The following SRD5A2 variants were observed in gnomAD, a reference collection of about 807,000 sequenced individuals.
SRD5A2 encodes the protein 3-oxo-5-alpha-steroid 4-dehydrogenase 2.
In SRD5A2, 30 loss-of-function variants were observed where a neutral mutation model predicts 27.4. That is an observed-to-expected ratio of 1.10 (90% CI 0.82 to 1.49). The LOEUF is 1.49. Among genes scored for constraint, SRD5A2 ranks in the 40% most tolerant of loss-of-function variants. SRD5A2 has a pLI of 0.00. For synonymous variants in SRD5A2, 141 were observed against 133.6 expected (o/e 1.06, Z -0.38); for missense variants, 348 against 323.4 (o/e 1.08, Z -0.58).
chr2:31,533,510 G>A (rs1255585283), intron 2 of SRD5A2, 93 bp downstream of exon 2: 16 of 1,154,648 alleles, frequency 1.4e-5, no homozygotes, highest in African/African-American at 9.2e-5. Flanking sequence ...GGATCATTAC[G>A]AGGTCATTGC....
At chr2:31,624,603 C>G in the SRD5A2 span, among the ~76,000 whole-genome samples, 1 of 151,944 alleles carries the variant, frequency 6.6e-6, no homozygotes, top group Admixed American at 6.6e-5. Context: ...TGAGAACATG[C>G]GGTGTTTGGT....
the SRD5A2 span, among the ~76,000 whole-genome samples, chr2:31,620,610 G>T: frequency 6.6e-6 from 1 of 151,780 alleles, no homozygotes; most frequent in Non-Finnish European, 1.5e-5. Context: ...TCTCCAAGGT[G>T]CCTACATTAG....
chr2:31,637,274 A>G, the SRD5A2 span, among the ~76,000 whole-genome samples: 1 of 152,076 alleles, frequency 6.6e-6, no homozygotes, highest in Admixed American at 6.6e-5. Context: ...GGCTCATAAT[A>G]GTCTCTAATG....
At chr2:31,635,342 A>G in the SRD5A2 span, among the ~76,000 whole-genome samples, 2 of 152,184 alleles carry the variant, frequency 1.3e-5, no homozygotes, top group East Asian at 1.9e-4. Flanking sequence ...CCATTTGTAT[A>G]TCTTCTTTTG....
At chr2:31,623,857 T>C in the SRD5A2 span, among the ~76,000 whole-genome samples, 1 of 152,130 alleles carries the variant, frequency 6.6e-6, no homozygotes, top group Admixed American at 6.6e-5. Flanking sequence ...TCAATTGAGA[T>C]AATCATGTGG....
At chr2:31,653,857 C>T in the SRD5A2 span, among the ~76,000 whole-genome samples, 2 of 152,116 alleles carry the variant, frequency 1.3e-5, no homozygotes, top group Non-Finnish European at 2.9e-5. Flanking sequence ...ACGGGTTTCA[C>T]CATGTTCTCC....
chr2:31,571,115 C>T (rs574708696), intron 1 of SRD5A2, among the ~76,000 whole-genome samples: 259 of 152,290 alleles, frequency 1.7e-3, no homozygotes, highest in African/African-American at 5.9e-3. Flanking sequence ...TACCTGACTT[C>T]AAACTACACT....
intron 1 of SRD5A2, among the ~76,000 whole-genome samples, chr2:31,565,858 C>T (rs1454619094): frequency 1.3e-5 from 2 of 151,946 alleles, no homozygotes; most frequent in African/African-American, 4.8e-5. Context: ...TCAAAATAAC[C>T]TATGGACAAT....
chr2:31,604,650 T>C, the SRD5A2 span, among the ~76,000 whole-genome samples: 7 of 151,908 alleles, frequency 4.6e-5, no homozygotes, highest in South Asian at 2.1e-4. Context: ...TGAAAGAAGT[T>C]GAAGAATGCT....
the SRD5A2 span, among the ~76,000 whole-genome samples, chr2:31,603,560 T>C: frequency 6.6e-6 from 1 of 152,062 alleles, no homozygotes; most frequent in African/African-American, 2.4e-5. Flanking sequence ...TCCAAAAGAA[T>C]ATAAATCATT....
At chr2:31,607,028 C>G in the SRD5A2 span, among the ~76,000 whole-genome samples, 1 of 150,798 alleles carries the variant, frequency 6.6e-6, no homozygotes, top group East Asian at 1.9e-4. Flanking sequence ...AATTCTAGAA[C>G]CAAAATAATT....
the SRD5A2 span, among the ~76,000 whole-genome samples, chr2:31,609,562 T>C: frequency 6.6e-6 from 1 of 152,116 alleles, no homozygotes; most frequent in Admixed American, 6.6e-5. Context: ...GATAGCTAGA[T>C]GCAGAAAGTA....
chr2:31,646,165 GCA>G, the SRD5A2 span, among the ~76,000 whole-genome samples: 260 of 150,920 alleles, frequency 1.7e-3, no homozygotes, highest in Middle Eastern at 3.4e-3. Flanking sequence ...GTGTGTGCGT[GCA>G]CACACACACA....
At chr2:31,554,924 CGTGTGTGTGTGTGTGTGTGTGTGT>C (rs59697517) in intron 1 of SRD5A2, among the ~76,000 whole-genome samples, 1 of 132,134 alleles carries the variant, frequency 7.6e-6, no homozygotes, top group Non-Finnish European at 1.6e-5. Context: ...CTATCCTGAT[CGTGTGTGTGTGTGTGTGTGTGTGT>C]GTGTGTGTGT....
rs559496648 is a variant in SRD5A2 at position 31,523,673 on chromosome 2, T to C, written c.*2523A>G. ...GACCAAGATAGAGTATCTTGTGAGC[T>C]AGGACACTGTTAGATTATTTTAGCC... On this transcript the variant is annotated 3_prime_UTR_variant, in exon 5 of 5. Coordinates refer to ENST00000622030, the MANE Select transcript of SRD5A2 (RefSeq NM_000348.4). 5 of 221,434 alleles carry C rather than the reference T, an allele frequency of 2.3e-5. No homozygotes were observed. The South Asian group carries it at 9.2e-4, about 41-fold the overall frequency. The allele number at this position is 221,434 out of a possible 1,614,324, so 13.7% of individuals were successfully genotyped here. A position where few individuals can be genotyped will look rare whatever the true frequency, so the allele number is the denominator to read the frequency against.
the SRD5A2 span, among the ~76,000 whole-genome samples, chr2:31,588,171 T>C: frequency 5.3e-5 from 8 of 151,952 alleles, no homozygotes; most frequent in African/African-American, 1.5e-4. Flanking sequence ...AAAGAGGACA[T>C]AGAGAAAGAG....
the SRD5A2 span, among the ~76,000 whole-genome samples, chr2:31,633,537 C>T: frequency 3.9e-5 from 6 of 152,124 alleles, no homozygotes; most frequent in Admixed American, 1.3e-4. Context: ...CAAATGGAGC[C>T]GCAGATGCAG....
chr2:31,581,228 AACTAAG>A (rs1385933232), upstream of SRD5A2, among the ~76,000 whole-genome samples: 1 of 152,118 alleles, frequency 6.6e-6, no homozygotes, highest in Non-Finnish European at 1.5e-5. Flanking sequence ...ATACTTCTGG[AACTAAG>A]ACACGGGAAG....
At chr2:31,557,312 G>A (rs1666518694) in intron 1 of SRD5A2, among the ~76,000 whole-genome samples, 1 of 152,238 alleles carries the variant, frequency 6.6e-6, no homozygotes, top group Non-Finnish European at 1.5e-5. Context: ...TTAATGTGCA[G>A]CCAGGTTAAA....
Sources: gnomAD v4.1 joint callset for allele counts (sites outside exome capture counted in the v4.1 genomes callset) on GRCh38, gnomAD v4.1.1 for gene constraint, MANE v1.5 for transcripts, NCBI Gene and HGNC (gene_info 2026-07-23, HGNC 2026-07-21) for gene names.